CNTNAP2: variants seen among roughly 807,000 people sequenced by gnomAD.
CNTNAP2 encodes contactin associated protein 2, also known as contactin-associated protein-like 2.
In CNTNAP2, 98 loss-of-function variants were observed where a neutral mutation model predicts 155.2. That is an observed-to-expected ratio of 0.63 (90% CI 0.54 to 0.75). CNTNAP2 has a LOEUF of 0.75. CNTNAP2 is among the 30% of genes least tolerant of loss of function. CNTNAP2 has a pLI of 0.00. For synonymous variants in CNTNAP2, 651 were observed against 631.2 expected (o/e 1.03, Z -0.47); for missense variants, 1,727 against 1,688.1 (o/e 1.02, Z -0.40).
At chr7:147,903,904 C>G (rs1799916863) in intron 14 of CNTNAP2, among the ~76,000 whole-genome samples, 183 bp downstream of exon 14, 1 of 152,166 alleles carries the variant, frequency 6.6e-6, no homozygotes, top group Non-Finnish European at 1.5e-5. Flanking sequence ...AGAAAGAGGT[C>G]AGTGCGACAA....
chr7:146,906,532 G>A (rs1002214148), intron 3 of CNTNAP2, among the ~76,000 whole-genome samples: 154 of 152,138 alleles, frequency 1.0e-3, no homozygotes, highest in African/African-American at 3.6e-3. Flanking sequence ...GCACCCCCCA[G>A]CAGGGGCACA....
intron 15 of CNTNAP2, among the ~76,000 whole-genome samples, chr7:148,045,961 G>A (rs1044591449): frequency 6.6e-6 from 1 of 152,212 alleles, no homozygotes; most frequent in African/African-American, 2.4e-5. Flanking sequence ...AATAGTTTAT[G>A]TGTGAAAACA....
rs191833679 is a variant in CNTNAP2 at position 147,912,145 on chromosome 7, T to A, written c.2255+8424T>A. Among the ~76,000 whole-genome samples, 21 of 152,316 alleles carry A rather than the reference T, an allele frequency of 1.4e-4. No homozygotes were observed. In the East Asian group the frequency reaches 3.7e-3, roughly 27 times the overall value. ...AATGACTGTTTCCTTAACCACAGCA[T>A]TTAAATGGCACTCACAGCTACCTCA... On this transcript the variant is annotated intron_variant, in intron 14 of 23. Transcript: ENST00000361727.
intron 1 of CNTNAP2, among the ~76,000 whole-genome samples, chr7:146,753,712 C>G (rs1801944815): frequency 2.0e-5 from 3 of 151,872 alleles, no homozygotes; most frequent in Admixed American, 1.3e-4. Flanking sequence ...CCATTTTCAC[C>G]TGTGTTTATC....
chr7:147,289,522 C>A (rs1430465021), intron 8 of CNTNAP2, among the ~76,000 whole-genome samples: 1 of 151,994 alleles, frequency 6.6e-6, no homozygotes, highest in Non-Finnish European at 1.5e-5. Flanking sequence ...CAGGCATCTG[C>A]CAAAAGTGAT....
At chr7:147,827,440 A>C (rs1352996431) in intron 13 of CNTNAP2, among the ~76,000 whole-genome samples, 1 of 152,228 alleles carries the variant, frequency 6.6e-6, no homozygotes, top group Admixed American at 6.5e-5. Context: ...AAAGTGCTTA[A>C]CATAGCACAT....
intron 1 of CNTNAP2, among the ~76,000 whole-genome samples, chr7:146,563,512 C>A (rs573744778): frequency 4.7e-4 from 71 of 152,190 alleles, no homozygotes; most frequent in African/African-American, 1.7e-3. Flanking sequence ...GAAATTGACA[C>A]ATAGAAATGA....
intron 3 of CNTNAP2, among the ~76,000 whole-genome samples, chr7:146,879,652 A>C (rs551944430): frequency 6.6e-6 from 1 of 152,110 alleles, no homozygotes; most frequent in Non-Finnish European, 1.5e-5. Context: ...GCCTGGGTCC[A>C]GAACCTGGCA....
intron 13 of CNTNAP2, among the ~76,000 whole-genome samples, chr7:147,898,462 A>G (rs1799807992): frequency 6.6e-6 from 1 of 152,140 alleles, no homozygotes; most frequent in African/African-American, 2.4e-5. Context: ...TCAAGTGTAC[A>G]CTTAACATCC....
At chr7:146,829,506 T>C (rs988285822) in intron 2 of CNTNAP2, among the ~76,000 whole-genome samples, 5 of 152,132 alleles carry the variant, frequency 3.3e-5, no homozygotes, top group Non-Finnish European at 5.9e-5. Flanking sequence ...AAAGAACTTG[T>C]AGTAAAATGA....
intron 15 of CNTNAP2, among the ~76,000 whole-genome samples, chr7:148,053,090 A>G (rs369779327): frequency 5.0e-4 from 76 of 152,332 alleles, no homozygotes; most frequent in African/African-American, 1.7e-3. Context: ...TTTGAAGACT[A>G]TTAACATGGA....
intron 1 of CNTNAP2, among the ~76,000 whole-genome samples, chr7:146,139,729 C>T (rs977455609): frequency 1.8e-4 from 27 of 151,946 alleles, no homozygotes; most frequent in African/African-American, 6.3e-4. Flanking sequence ...ATAAGACAGA[C>T]CTAAATTCAA....
intron 1 of CNTNAP2, among the ~76,000 whole-genome samples, chr7:146,451,490 G>A (rs1375465456): frequency 6.6e-6 from 1 of 152,112 alleles, no homozygotes; most frequent in African/African-American, 2.4e-5. Context: ...AGCTCCATGG[G>A]GATGCGACCT....
intron 1 of CNTNAP2, among the ~76,000 whole-genome samples, chr7:146,612,270 T>G (rs925955522): frequency 6.6e-6 from 1 of 152,288 alleles, no homozygotes; most frequent in Admixed American, 6.5e-5. Context: ...CATACTCACA[T>G]GGACCTTTTT....
At chr7:148,317,813 G>T (rs1173859245) in intron 21 of CNTNAP2, among the ~76,000 whole-genome samples, 6 of 151,870 alleles carry the variant, frequency 4.0e-5, no homozygotes, top group African/African-American at 1.5e-4. Flanking sequence ...CCATTGTCCT[G>T]CCTCAGCCTC....
intron 14 of CNTNAP2, among the ~76,000 whole-genome samples, chr7:147,963,644 G>A (rs7795880): frequency 2.0e-5 from 3 of 152,070 alleles, no homozygotes; most frequent in East Asian, 1.9e-4. Flanking sequence ...ACCCAGACAC[G>A]CGAAATGCTG....
chr7:146,429,456 G>A (rs933569452), intron 1 of CNTNAP2, among the ~76,000 whole-genome samples: 1 of 152,006 alleles, frequency 6.6e-6, no homozygotes, highest in African/African-American at 2.4e-5. Flanking sequence ...CTTGTTAGTT[G>A]TATTCCTAGG....
chr7:147,038,502 C>T lies in CNTNAP2; in HGVS notation c.403-5405C>T, dbSNP rs532975117. 3.3e-5 allele frequency among the ~76,000 whole-genome samples: 5 copies of T among 152,300 alleles called. No individual in the cohort carries two copies. The South Asian group carries it at 6.2e-4, about 19-fold the overall frequency. The stretch of plus-strand genomic sequence containing the variant: ...ATTTAGATTTCTCAAATGATGTCAT[C>T]GCAGATGTGCTTACTTTGTCTTTCT... On this transcript the variant is annotated intron_variant, in intron 3 of 23. Coordinates refer to ENST00000361727, the MANE Select transcript of CNTNAP2 (RefSeq NM_014141.6).
intron 1 of CNTNAP2, among the ~76,000 whole-genome samples, chr7:146,711,784 T>C (rs999234589): frequency 3.9e-5 from 5 of 126,784 alleles, no homozygotes; most frequent in African/African-American, 1.0e-4. Context: ...ACACATCTTA[T>C]GTATACATAT....
Sources: allele counts gnomAD v4.1 joint callset (sites outside exome capture counted in the v4.1 genomes callset), GRCh38; gene constraint gnomAD v4.1.1; transcripts MANE v1.5; gene names NCBI Gene and HGNC (gene_info 2026-07-23, HGNC 2026-07-21).